FSTL4: variants seen among roughly 807,000 people sequenced by gnomAD.
FSTL4 encodes the protein follistatin like 4.
A neutral mutation model predicts 78.2 loss-of-function variants in FSTL4; 28 were observed. That is an observed-to-expected ratio of 0.36 (90% CI 0.27 to 0.49). FSTL4 has a LOEUF of 0.49. FSTL4 is among the 20% of genes least tolerant of loss of function. The pLI, the probability that FSTL4 is intolerant of heterozygous loss-of-function variation, is 0.98. For missense variants in FSTL4, 922 were observed against 1,084.9 expected (o/e 0.85, Z 2.11); for synonymous variants, 422 against 440.5 (o/e 0.96, Z 0.53).
At chr5:133,578,061 G>A (rs536031023) in intron 2 of FSTL4, among the ~76,000 whole-genome samples, 66 of 152,314 alleles carry the variant, frequency 4.3e-4, no homozygotes, top group South Asian at 1.5e-3. Flanking sequence ...ATGAGGCTGG[G>A]AAGTCTAAAA....
chr5:133,666,954 A>T, the FSTL4 span, among the ~76,000 whole-genome samples: 1 of 152,242 alleles, frequency 6.6e-6, no homozygotes, highest in Non-Finnish European at 1.5e-5. Flanking sequence ...CACCATCAAA[A>T]TGATGATGAT....
At chr5:133,779,563 G>A in the FSTL4 span, among the ~76,000 whole-genome samples, 1 of 152,068 alleles carries the variant, frequency 6.6e-6, no homozygotes. Flanking sequence ...TTCAGCGTGG[G>A]CGACAGAGCA....
chr5:133,500,414 C>G (rs1204147486), intron 3 of FSTL4, among the ~76,000 whole-genome samples: 1 of 152,160 alleles, frequency 6.6e-6, no homozygotes, highest in African/African-American at 2.4e-5. Context: ...TCTAAGGTAT[C>G]GGTTCAATTC....
At chr5:133,401,062 C>T in intron 3 of FSTL4, 76 bp from the exon 4 acceptor site, 1 of 1,539,290 alleles carries the variant, frequency 6.5e-7, no homozygotes, top group South Asian at 1.2e-5. Context: ...CTTTGTAGCT[C>T]ACAAGCACAG....
chr5:133,576,319 T>C (rs1461200257), intron 2 of FSTL4, among the ~76,000 whole-genome samples: 2 of 152,180 alleles, frequency 1.3e-5, no homozygotes, highest in Non-Finnish European at 2.9e-5. Context: ...CGCCTCTCCA[T>C]CTGTGCTCTC....
chr5:133,359,833 C>T (rs1561685689), intron 4 of FSTL4, among the ~76,000 whole-genome samples: 1 of 152,236 alleles, frequency 6.6e-6, no homozygotes. Flanking sequence ...CGTTCTGCTG[C>T]TGGTGATGGC....
the FSTL4 span, among the ~76,000 whole-genome samples, chr5:133,694,739 T>C: frequency 6.6e-6 from 1 of 152,186 alleles, no homozygotes; most frequent in East Asian, 1.9e-4. Context: ...TTTCTCATGG[T>C]TCCGGAGGCT....
chr5:133,469,295 T>C (rs1001551183), intron 3 of FSTL4, among the ~76,000 whole-genome samples: 9 of 152,336 alleles, frequency 5.9e-5, no homozygotes, highest in East Asian at 1.9e-4. Context: ...GTGGGCTGCA[T>C]TGGCCAGGGA....
the FSTL4 span, among the ~76,000 whole-genome samples, chr5:133,742,816 G>A: frequency 1.3e-5 from 2 of 152,156 alleles, no homozygotes; most frequent in African/African-American, 4.8e-5. Context: ...AAGGAACAAG[G>A]AGCATAGCAG....
chr5:133,675,760 A>C, the FSTL4 span, among the ~76,000 whole-genome samples: 1 of 152,296 alleles, frequency 6.6e-6, no homozygotes, highest in Admixed American at 6.5e-5. Flanking sequence ...ACAGTACACA[A>C]AAAATGGGGG....
At chr5:133,274,380 C>CTTTTTTTTTTTTTTTTTTTTT (rs59634629) in intron 6 of FSTL4, among the ~76,000 whole-genome samples, 4 of 71,022 alleles carry the variant, frequency 5.6e-5, no homozygotes, top group African/African-American at 5.7e-5. Flanking sequence ...GCAATCTGTG[C>CTTTTTTTTTTTTTTTTTTTTT]TTTTTTTTTT....
At chr5:133,577,150 G>C (rs1760301674) in intron 2 of FSTL4, among the ~76,000 whole-genome samples, 1 of 152,196 alleles carries the variant, frequency 6.6e-6, no homozygotes, top group Admixed American at 6.5e-5. Context: ...CCATGTCTGG[G>C]TCTTCAAAGC....
chr5:133,502,690 C>T (rs955772497), intron 3 of FSTL4, among the ~76,000 whole-genome samples: 6 of 152,184 alleles, frequency 3.9e-5, no homozygotes, highest in African/African-American at 1.4e-4. Context: ...GTGAGACGTG[C>T]CTGCTTTTCC....
intron 3 of FSTL4, among the ~76,000 whole-genome samples, chr5:133,557,371 G>C (rs1189139752): frequency 1.3e-5 from 2 of 152,168 alleles, no homozygotes; most frequent in Non-Finnish European, 2.9e-5. Context: ...ACCCAGATGT[G>C]AAATCATTAA....
intron 6 of FSTL4, among the ~76,000 whole-genome samples, chr5:133,289,657 C>T (rs987184406): frequency 6.6e-6 from 1 of 152,238 alleles, no homozygotes; most frequent in Non-Finnish European, 1.5e-5. Flanking sequence ...TGTCTTCCAG[C>T]TTGCCCAACT....
At position 133,400,918 on chromosome 5, in the gene FSTL4, C is replaced by A; in HGVS notation, c.229G>T (p.Val77Leu). ...KKFCSRGSRC[V>L]LSRKTGEPEC... ...GGCTCCCCTGTCTTCCTGCTGAGCA[C>A]GCACCGGCTCCCTCGGCTGCAGAAC... The change falls in exon 4 of 16, where the codon GTG (valine) becomes TTG (leucine). Residue 77 changes from valine (V) to leucine (L), a missense_variant. Coordinates refer to ENST00000265342, the MANE Select transcript of FSTL4 (RefSeq NM_015082.2). The A allele has an allele frequency of 1.2e-6, 2 of 1,613,656 alleles. No individual in the cohort carries two copies. The highest frequency in any genetic ancestry group is 1.7e-6 in the Non-Finnish European group (2 of 1,180,006).
intron 2 of FSTL4, among the ~76,000 whole-genome samples, chr5:133,572,904 A>G (rs543169185): frequency 6.6e-6 from 1 of 152,358 alleles, no homozygotes; most frequent in Admixed American, 6.5e-5. Flanking sequence ...ACATGGGTTT[A>G]TATTTAAACC....
chr5:133,384,161 G>C (rs1755644364), intron 4 of FSTL4, among the ~76,000 whole-genome samples: 1 of 152,188 alleles, frequency 6.6e-6, no homozygotes, highest in African/African-American at 2.4e-5. Context: ...CTGCGTACTG[G>C]AGGTGGAGGT....
At chr5:133,360,995 C>T (rs747728074) in intron 4 of FSTL4, among the ~76,000 whole-genome samples, 2 of 152,166 alleles carry the variant, frequency 1.3e-5, no homozygotes, top group African/African-American at 2.4e-5. Flanking sequence ...ATCACAATAA[C>T]ACAATTGTGT....
Sources: allele counts gnomAD v4.1 joint callset (sites outside exome capture counted in the v4.1 genomes callset), GRCh38; gene constraint gnomAD v4.1.1; transcripts MANE v1.5; gene names NCBI Gene and HGNC (gene_info 2026-07-23, HGNC 2026-07-21).